MORC1: variants seen among roughly 807,000 people sequenced by gnomAD.
MORC1 encodes MORC family CW-type zinc finger 1, also known as MORC family CW-type zinc finger protein 1.
Under a neutral mutation model 134.9 loss-of-function variants are expected in MORC1, and 59 were observed. The ratio of observed to expected loss-of-function variants is 0.44; its 90% confidence interval spans 0.35 to 0.54. The LOEUF is 0.54. Among genes scored for constraint, MORC1 ranks in the 20% least tolerant of loss-of-function variants. The pLI, the probability that MORC1 is intolerant of heterozygous loss-of-function variation, is 0.00. For synonymous variants in MORC1, 395 were observed against 391.7 expected (o/e 1.01, Z -0.10); for missense variants, 947 against 1,134.5 (o/e 0.83, Z 2.37).
chr3:109,103,750 C>T, intron 4 of MORC1, 99 bp downstream of exon 4: 1 of 1,087,932 alleles, frequency 9.2e-7, no homozygotes, highest in Non-Finnish European at 1.4e-6. Context: ...TTTAATAGCT[C>T]CATACCTGTT....
chr3:109,016,108 G>A (rs1948811117), intron 17 of MORC1, among the ~76,000 whole-genome samples: 1 of 152,092 alleles, frequency 6.6e-6, no homozygotes, highest in Admixed American at 6.6e-5. Flanking sequence ...TGTTTTGACT[G>A]CAACCTGTCA....
At position 108,990,898 on chromosome 3, in the gene MORC1, T is replaced by TCTCTCTCTCTCTCTCTCTC. The variant is rs1559876202; in HGVS notation, c.2188-3950_2188-3949insGAGAGAGAGAGAGAGAGAG. ...AAGGCTTAGGTTTATGTTTCTCTCT[T>TCTCTCTCTCTCTCTCTCTC]TCTCTCTCTCTCTCTCTCTCTCTCT... On this transcript the variant is annotated intron_variant, in intron 21 of 27. Coordinates refer to ENST00000232603, the MANE Select transcript of MORC1 (RefSeq NM_014429.4). 4.5e-4 allele frequency among the ~76,000 whole-genome samples: 66 copies of TCTCTCTCTCTCTCTCTCTC among 145,748 alleles called. 1 individual carries two copies. The highest frequency in any genetic ancestry group is 1.6e-3 in the African/African-American group (64 of 39,706).
intron 8 of MORC1, among the ~76,000 whole-genome samples, chr3:109,076,907 C>T (rs1385796209): frequency 1.7e-4 from 26 of 150,182 alleles, no homozygotes; most frequent in African/African-American, 6.4e-4. Context: ...AGCAAACCAC[C>T]ATGGCATGTG....
At chr3:109,099,307 A>C (rs774702975) in intron 6 of MORC1, 51 bp downstream of exon 6, 1 of 1,329,380 alleles carries the variant, frequency 7.5e-7, no homozygotes, top group Admixed American at 2.1e-5. Flanking sequence ...GAGAGAGTAA[A>C]TGAAAGCAAC....
chr3:109,077,072 T>C lies in MORC1; in HGVS notation c.690-7315A>G, dbSNP rs557274294. ...TTGGTAATCACATTTCTATCAGACT[T>C]CTGATCAACAACATGTATTCAAGAA... On this transcript the variant is annotated intron_variant, in intron 8 of 27. Transcript: ENST00000232603. Among the ~76,000 whole-genome samples, 4 of 152,142 alleles carry C rather than the reference T, an allele frequency of 2.6e-5. No homozygotes were observed. The South Asian group carries it at 8.3e-4, about 32-fold the overall frequency.
intron 14 of MORC1, among the ~76,000 whole-genome samples, chr3:109,053,602 C>T (rs1217394535): frequency 6.6e-6 from 1 of 151,358 alleles, no homozygotes; most frequent in African/African-American, 2.4e-5. Context: ...AAGATGGAAA[C>T]AATAGACACT....
chr3:109,023,188 A>G (rs896964395), intron 17 of MORC1, among the ~76,000 whole-genome samples: 2 of 152,212 alleles, frequency 1.3e-5, no homozygotes, highest in Admixed American at 6.5e-5. Flanking sequence ...GCTGCTCCAG[A>G]CAAGAATGCA....
chr3:109,031,249 T>C (rs1949235240), intron 16 of MORC1, among the ~76,000 whole-genome samples: 1 of 152,180 alleles, frequency 6.6e-6, no homozygotes, highest in Non-Finnish European at 1.5e-5. Context: ...GGGCCTCTAG[T>C]GACCAGGGAC....
intron 17 of MORC1, among the ~76,000 whole-genome samples, chr3:109,011,234 A>C (rs7645390): frequency 0.2 from 31,017 of 151,828 alleles, 3,508 homozygotes; most frequent in Middle Eastern, 0.33. Flanking sequence ...AAACCAAAAC[A>C]AAAAAAACCC....
At chr3:109,083,508 C>T (rs1370866106) in intron 8 of MORC1, among the ~76,000 whole-genome samples, 1 of 152,080 alleles carries the variant, frequency 6.6e-6, no homozygotes, top group Non-Finnish European at 1.5e-5. Flanking sequence ...CAGTGGCTCA[C>T]GCCTGTAATA....
At chr3:109,099,496 T>C (rs1950887114) in intron 5 of MORC1, 30 bp from the exon 6 acceptor site, 1 of 1,521,294 alleles carries the variant, frequency 6.6e-7, no homozygotes, top group Non-Finnish European at 9.0e-7. Context: ...CATCATGTTT[T>C]ACACCTCAAA....
rs1238685976 is a variant in MORC1, at chr3:109,110,737, A to G, written c.154+12T>C. Reference sequence around the variant, plus strand: ...TTAGAAGAAAATAAAAGAAGAAAGCAAATCTGCTCACCTGAAAAGACATCA... The same window carrying G: ...TTAGAAGAAAATAAAAGAAGAAAGCGAATCTGCTCACCTGAAAAGACATCA... On this transcript the variant is annotated intron_variant, in intron 3 of 27. Coordinates refer to ENST00000232603, the MANE Select transcript of MORC1 (RefSeq NM_014429.4). The G allele has an allele frequency of 6.3e-7, 1 of 1,580,060 alleles. No individual in the cohort carries two copies. Among genetic ancestry groups the G allele is most frequent in the South Asian group, 1.2e-5 (1 of 84,344 alleles).
At chr3:109,027,428 T>C (rs532748119) in intron 17 of MORC1, among the ~76,000 whole-genome samples, 2 of 152,328 alleles carry the variant, frequency 1.3e-5, no homozygotes, top group South Asian at 4.1e-4. Flanking sequence ...CAAATTTGTG[T>C]TGCGCCTTGA....
intron 23 of MORC1, among the ~76,000 whole-genome samples, chr3:108,982,569 G>T (rs1049215216): frequency 8.6e-6 from 1 of 116,266 alleles, no homozygotes; most frequent in African/African-American, 3.6e-5. Flanking sequence ...CACACACGGG[G>T]ACCTGTCGTG....
intron 27 of MORC1, among the ~76,000 whole-genome samples, chr3:108,961,015 G>A (rs1376753799): frequency 1.3e-5 from 2 of 152,122 alleles, no homozygotes; most frequent in African/African-American, 2.4e-5. Context: ...TTTTAATCCC[G>A]TTTTTCCATA....
At chr3:109,081,538 C>T (rs1412424139) in intron 8 of MORC1, among the ~76,000 whole-genome samples, 1 of 151,628 alleles carries the variant, frequency 6.6e-6, no homozygotes. Context: ...TCACTGCAAC[C>T]TCCACCTCCC....
intron 17 of MORC1, among the ~76,000 whole-genome samples, chr3:109,008,339 T>C (rs907846411): frequency 2.0e-5 from 3 of 152,112 alleles, no homozygotes; most frequent in African/African-American, 7.2e-5. Context: ...GCTAAATTTC[T>C]CCACCAGGCT....
At chr3:109,034,296 A>T (rs1949317647) in intron 15 of MORC1, among the ~76,000 whole-genome samples, 1 of 152,190 alleles carries the variant, frequency 6.6e-6, no homozygotes, top group Non-Finnish European at 1.5e-5. Context: ...ATACTTCTAC[A>T]GAGTTTTACA....
At chr3:109,041,013 A>T (rs1481809035) in intron 14 of MORC1, among the ~76,000 whole-genome samples, 1 of 151,884 alleles carries the variant, frequency 6.6e-6, no homozygotes, top group East Asian at 1.9e-4. Flanking sequence ...AGATTTGAGA[A>T]AGCAGAAGAG....
Sources: gnomAD v4.1 joint callset for allele counts (sites outside exome capture counted in the v4.1 genomes callset) on GRCh38, gnomAD v4.1.1 for gene constraint, MANE v1.5 for transcripts, NCBI Gene and HGNC (gene_info 2026-07-23, HGNC 2026-07-21) for gene names.